The following TRMT13 variants were observed in gnomAD, a reference collection of about 807,000 sequenced individuals.
TRMT13 encodes tRNA methyltransferase 13, also known as tRNA:m(4)X modification enzyme TRM13 homolog.
TRMT13 carries 45 observed loss-of-function variants against 55.9 expected under a neutral mutation model. The observed-to-expected ratio is 0.80, with a 90% CI of 0.63 to 1.03. The LOEUF (loss-of-function observed/expected upper bound fraction) is 1.03. Ranked by LOEUF, TRMT13 falls within the 50% of genes least tolerant of loss-of-function variation. The pLI, the probability that TRMT13 is intolerant of heterozygous loss-of-function variation, is 0.00. For synonymous variants in TRMT13, 183 were observed against 196.3 expected (o/e 0.93, Z 0.57); for missense variants, 513 against 563.9 (o/e 0.91, Z 0.91).
In TRMT13 at chr1:100,133,327, C is replaced by G. The variant is rs149937321; in HGVS notation, c.147+12C>G. 535 of 1,613,470 alleles carry G rather than the reference C, an allele frequency of 3.3e-4. 1 individual carries two copies. In the African/African-American group the frequency reaches 6.1e-3, roughly 18 times the overall value. ...CTGGAGCCGCGGAGGTGTGGTATCGCCCTACTCTCTCAAGAGTCGGAAATA... is the reference window on the plus strand; with the variant it reads ...CTGGAGCCGCGGAGGTGTGGTATCGGCCTACTCTCTCAAGAGTCGGAAATA... On this transcript the variant is annotated intron_variant, in intron 1 of 10. Transcript: ENST00000370141.
At chr1:100,142,303 C>T (rs1427237647) in intron 7 of TRMT13, among the ~76,000 whole-genome samples, 2 of 152,090 alleles carry the variant, frequency 1.3e-5, no homozygotes, top group African/African-American at 4.8e-5. Context: ...AAAGTTTATC[C>T]TAGCAGCACC....
At chr1:100,147,546 T>G (rs143719696) in intron 9 of TRMT13, among the ~76,000 whole-genome samples, 1 of 152,178 alleles carries the variant, frequency 6.6e-6, no homozygotes, top group Non-Finnish European at 1.5e-5. Context: ...TAAGTGTAGG[T>G]GAATAAAGTT....
rs4339889 is a variant in TRMT13 at position 100,136,450 on chromosome 1, T to A, written c.148-432T>A. ...AACCATACATAAATAATAGTGTATA[T>A]TATTTTTATTGCCATAAAAATCACA... On this transcript the variant is annotated intron_variant, in intron 1 of 10. Coordinates refer to ENST00000370141, the MANE Select transcript of TRMT13 (RefSeq NM_019083.3). Among the ~76,000 whole-genome samples, 4,132 of 152,306 alleles carry A rather than the reference T, an allele frequency of 0.027. 411 individuals carry two copies. The East Asian group carries it at 0.33, about 12-fold the overall frequency.
In TRMT13 at chr1:100,145,686, G is replaced by A. The variant is rs375981125; in HGVS notation, c.817+1543G>A. ...GCTTGAGGCTAGGAGTTCAGGATTA[G>A]CTTGGGCACATAGGAAGACCCCATC... On this transcript the variant is annotated intron_variant, in intron 9 of 10. Transcript: ENST00000370141. Among the ~76,000 whole-genome samples the A allele has an allele frequency of 6.6e-5, 10 of 152,232 alleles. No homozygotes were observed. The East Asian group carries it at 1.7e-3, about 26-fold the overall frequency.
intron 1 of TRMT13, 152 bp from the exon 2 acceptor site, chr1:100,136,730 C>T (rs368387019): frequency 1.6e-6 from 1 of 640,216 alleles, no homozygotes; most frequent in East Asian, 2.9e-5. Flanking sequence ...TTTGTTAAAC[C>T]CTTGGGACCT....
chr1:100,136,782 A>T, intron 1 of TRMT13, 100 bp from the exon 2 acceptor site: 4 of 1,145,922 alleles, frequency 3.5e-6, no homozygotes, highest in Non-Finnish European at 4.9e-6. Flanking sequence ...AGGTTTCCTT[A>T]CCTTGTTTTG....
At chr1:100,138,051 TG>T (rs1656110883) in intron 3 of TRMT13, among the ~76,000 whole-genome samples, 1 of 152,130 alleles carries the variant, frequency 6.6e-6, no homozygotes, top group Non-Finnish European at 1.5e-5. Flanking sequence ...TTATTAAAAA[TG>T]GAAACCCTTG....
At chr1:100,146,918 G>C (rs1657340529) in intron 9 of TRMT13, among the ~76,000 whole-genome samples, 1 of 152,178 alleles carries the variant, frequency 6.6e-6, no homozygotes, top group African/African-American at 2.4e-5. Flanking sequence ...TAATAGATTA[G>C]CTATCACTTT....
At chr1:100,139,159 T>G (rs684519) in intron 3 of TRMT13, among the ~76,000 whole-genome samples, 114,022 of 152,188 alleles carry the variant, frequency 0.75, 45,366 homozygotes, top group East Asian at 0.95. Flanking sequence ...TTAATTAATA[T>G]TTTAAAATAG....
At chr1:100,134,915 A>G (rs566723283) in intron 1 of TRMT13, among the ~76,000 whole-genome samples, 1 of 152,296 alleles carries the variant, frequency 6.6e-6, no homozygotes, top group African/African-American at 2.4e-5. Context: ...TGAATCTGTA[A>G]TTTATGATGT....
intron 3 of TRMT13, among the ~76,000 whole-genome samples, chr1:100,137,504 T>TA (rs1419721355): frequency 6.6e-6 from 1 of 152,036 alleles, no homozygotes; most frequent in Non-Finnish European, 1.5e-5. Context: ...AGCCAGGAAA[T>TA]ACAAATATTT....
intron 9 of TRMT13, among the ~76,000 whole-genome samples, chr1:100,145,266 A>G (rs139748607): frequency 7.9e-5 from 12 of 152,326 alleles, no homozygotes; most frequent in African/African-American, 2.6e-4. Flanking sequence ...ACATACACCA[A>G]TAGTTAAGCA....
Position 100,148,167 on chromosome 1 carries a change from T to G in TRMT13, c.1091T>G (p.Phe364Cys). 6.2e-7 allele frequency: 1 copy of G among 1,614,164 alleles called. No homozygotes were observed. The highest frequency in any genetic ancestry group is 8.5e-7 in the Non-Finnish European group (1 of 1,180,028). The change falls in exon 10 of 11, where the codon TTC becomes TGC. Residue 364 changes from phenylalanine to cysteine, a missense_variant. Phe to Cys is a radical substitution (Grantham distance 205). Around this residue, in one of 3 missense-constraint regions of TRMT13, gnomAD observed 209 missense variants for 255.8 expected, o/e 0.82. Coordinates refer to ENST00000370141, the MANE Select transcript of TRMT13 (RefSeq NM_019083.3). ...CTTGGAGCAGTGGAATTCCATTATT[T>G]CCAGCGAATGAGTAGTTGGGCAACT... ...LGLGAVEFHYFQRMSSWATCG... is the reference protein window; with the variant it reads ...LGLGAVEFHYCQRMSSWATCG...
Position 100,149,137 on chromosome 1 carries a change from TTC to T in TRMT13, c.*319_*320del, listed in dbSNP as rs779036685. The stretch of plus-strand genomic sequence containing the variant: ...ACATGTCAACACATAATTAGCGTAT[TTC>T]TGTTTGTATTAATTTTGGAAATTTA... On this transcript the variant is annotated 3_prime_UTR_variant, in exon 11 of 11. Transcript: ENST00000370141. 9 of 1,570,898 alleles carry T rather than the reference TTC, an allele frequency of 5.7e-6. No homozygotes were observed. The highest frequency in any genetic ancestry group is 1.8e-4 in the Middle Eastern group (1 of 5,656).
chr1:100,133,370 G>C (rs1655298902), intron 1 of TRMT13, 55 bp downstream of exon 1: 7 of 1,569,378 alleles, frequency 4.5e-6, no homozygotes, highest in Middle Eastern at 1.8e-4. Context: ...TGGTCCTGTC[G>C]GTGCTGGAAC....
At chr1:100,145,950 T>C (rs1304839357) in intron 9 of TRMT13, among the ~76,000 whole-genome samples, 8 of 152,236 alleles carry the variant, frequency 5.3e-5, no homozygotes, top group Non-Finnish European at 7.3e-5. Flanking sequence ...CTTCCTGATA[T>C]AGTCCAAACT....
In TRMT13 at chr1:100,148,089, A is replaced by G. The variant is rs768930866; in HGVS notation, c.1013A>G (p.His338Arg). ...AGIVIALCCH[H>R]RCDWRHYVGK... ...ATTGTTATTGCACTCTGTTGTCACCACAGGTGTGATTGGAGACATTATGTG... is the reference window on the plus strand; with the variant it reads ...ATTGTTATTGCACTCTGTTGTCACCGCAGGTGTGATTGGAGACATTATGTG... The change falls in exon 10 of 11, where the codon CAC becomes CGC. Residue 338 changes from histidine (H) to arginine (R), a missense_variant. Coordinates refer to ENST00000370141, the MANE Select transcript of TRMT13 (RefSeq NM_019083.3). 5.6e-6 allele frequency: 9 copies of G among 1,614,138 alleles called. No individual in the cohort carries two copies. The East Asian group carries it at 1.8e-4, about 32-fold the overall frequency.
Position 100,149,444 on chromosome 1 carries a change from A to G in TRMT13, c.*624A>G. The G allele has an allele frequency of 6.5e-7, 1 of 1,537,906 alleles. No homozygotes were observed. Among genetic ancestry groups the G allele is most frequent in the East Asian group, 2.5e-5 (1 of 40,174 alleles). On this transcript the variant is annotated 3_prime_UTR_variant, in exon 11 of 11. Transcript: ENST00000370141. ...AACACAAAACTGAAGAGCTGTTTTC[A>G]AAGAAAAAAGATTATTTCACTTAAT...
At chr1:100,137,971 G>A (rs1656102071) in intron 3 of TRMT13, among the ~76,000 whole-genome samples, 1 of 152,162 alleles carries the variant, frequency 6.6e-6, no homozygotes, top group South Asian at 2.1e-4. Context: ...CCTTACCTAA[G>A]TTCCAGGTTT....
Sources: gnomAD v4.1 joint callset for allele counts (sites outside exome capture counted in the v4.1 genomes callset) on GRCh38, gnomAD v4.1.1 for gene constraint, gnomAD v4.1.1 regional missense constraint, MANE v1.5 for transcripts, NCBI Gene and HGNC (gene_info 2026-07-23, HGNC 2026-07-21) for gene names.